MAF: variants seen among roughly 807,000 people sequenced by gnomAD.
MAF encodes MAF bZIP transcription factor.
A neutral mutation model predicts 22.0 loss-of-function variants in MAF; 10 were observed. The observed-to-expected ratio is 0.45, with a 90% CI of 0.28 to 0.77. The LOEUF is 0.77. Ranked by LOEUF, MAF falls within the 30% of genes least tolerant of loss-of-function variation. The pLI, the probability that MAF is intolerant of heterozygous loss-of-function variation, is 0.12. For synonymous variants in MAF, 337 were observed against 255.8 expected, an observed-to-expected ratio of 1.32 and a Z score of -3.03; for missense variants, 544 against 548.4, an observed-to-expected ratio of 0.99 and a Z score of 0.08.
the MAF span, among the ~76,000 whole-genome samples, chr16:79,405,805 G>A: frequency 4.7e-4 from 72 of 152,326 alleles, no homozygotes; most frequent in African/African-American, 1.7e-3. Flanking sequence ...GGTAGGAGGT[G>A]CTCGCCTCAT....
chr16:79,500,211 C>A, the MAF span, among the ~76,000 whole-genome samples: 1 of 152,182 alleles, frequency 6.6e-6, no homozygotes, highest in African/African-American at 2.4e-5. Context: ...TTTGTTACAA[C>A]AGCCACCAGA....
At chr16:79,381,826 C>T in the MAF span, among the ~76,000 whole-genome samples, 2 of 152,300 alleles carry the variant, frequency 1.3e-5, no homozygotes, top group East Asian at 3.9e-4. Flanking sequence ...TGTTACTCCA[C>T]AGAGTGGATA....
the MAF span, among the ~76,000 whole-genome samples, chr16:79,301,802 T>C: frequency 6.6e-6 from 1 of 152,218 alleles, no homozygotes; most frequent in Non-Finnish European, 1.5e-5. Flanking sequence ...TGCTATAGGC[T>C]TTACACACTT....
the MAF span, among the ~76,000 whole-genome samples, chr16:79,250,727 C>T: frequency 6.6e-6 from 1 of 152,158 alleles, no homozygotes; most frequent in Non-Finnish European, 1.5e-5. Context: ...ATTGCATCCA[C>T]CAAATAATAA....
chr16:79,535,435 G>C, the MAF span, among the ~76,000 whole-genome samples: 2 of 150,938 alleles, frequency 1.3e-5, no homozygotes, highest in African/African-American at 4.9e-5. Context: ...GCAAATTACA[G>C]TACCGTGCTG....
At chr16:79,475,394 G>C in the MAF span, among the ~76,000 whole-genome samples, 1 of 151,242 alleles carries the variant, frequency 6.6e-6, no homozygotes, top group African/African-American at 2.4e-5. Flanking sequence ...ATGCAAGAAA[G>C]AAGTAGATTT....
chr16:79,326,570 G>A, the MAF span, among the ~76,000 whole-genome samples: 1 of 152,142 alleles, frequency 6.6e-6, no homozygotes, highest in Non-Finnish European at 1.5e-5. Context: ...AGTAAACTAG[G>A]GCAGGGCTTG....
chr16:79,377,920 G>T, the MAF span, among the ~76,000 whole-genome samples: 1 of 152,068 alleles, frequency 6.6e-6, no homozygotes, highest in African/African-American at 2.4e-5. Flanking sequence ...ATGCTGTTTT[G>T]GTTACTGTAA....
the MAF span, among the ~76,000 whole-genome samples, chr16:79,276,138 T>C: frequency 1.0e-5 from 1 of 97,274 alleles, no homozygotes; most frequent in Non-Finnish European, 2.2e-5. Flanking sequence ...AGACTCCATC[T>C]CAAAGAAAAA....
downstream of MAF, among the ~76,000 whole-genome samples, chr16:79,589,963 C>T (rs1017468210): frequency 6.6e-6 from 1 of 152,154 alleles, no homozygotes; most frequent in Non-Finnish European, 1.5e-5. Context: ...ACTGCAGGCC[C>T]GGCCCAGGAC....
chr16:79,439,159 C>T, the MAF span, among the ~76,000 whole-genome samples: 4 of 151,944 alleles, frequency 2.6e-5, no homozygotes, highest in Non-Finnish European at 2.9e-5. Context: ...CGTTCATTTA[C>T]GTACCAAGAA....
At chr16:79,324,580 G>T in the MAF span, among the ~76,000 whole-genome samples, 1 of 152,048 alleles carries the variant, frequency 6.6e-6, no homozygotes, top group Non-Finnish European at 1.5e-5. Context: ...AATAAGAATC[G>T]GAGGTCCAGG....
chr16:79,294,710 T>G, the MAF span, among the ~76,000 whole-genome samples: 1 of 152,308 alleles, frequency 6.6e-6, no homozygotes, highest in Admixed American at 6.5e-5. Context: ...TGCTAGATAG[T>G]GGGAGAAGGA....
chr16:79,335,465 G>A, the MAF span, among the ~76,000 whole-genome samples: 10 of 152,180 alleles, frequency 6.6e-5, no homozygotes, highest in African/African-American at 2.2e-4. Context: ...TTAAGCTTCA[G>A]AAAGACCAGG....
At chr16:79,344,563 A>G in the MAF span, among the ~76,000 whole-genome samples, 1 of 152,226 alleles carries the variant, frequency 6.6e-6, no homozygotes, top group Non-Finnish European at 1.5e-5. Context: ...TCCACGTCCC[A>G]TCTCAGACAC....
chr16:79,234,824 C>T, the MAF span, among the ~76,000 whole-genome samples: 1 of 152,232 alleles, frequency 6.6e-6, no homozygotes, highest in Non-Finnish European at 1.5e-5. Flanking sequence ...ACCTGAGTCT[C>T]TTGATGAGGC....
chr16:79,241,840 A>T, the MAF span, among the ~76,000 whole-genome samples: 5 of 152,076 alleles, frequency 3.3e-5, no homozygotes, highest in African/African-American at 4.8e-5. Flanking sequence ...CTAACAGCAA[A>T]TCTCTCTGCA....
chr16:79,446,411 T>A, the MAF span, among the ~76,000 whole-genome samples: 1 of 152,180 alleles, frequency 6.6e-6, no homozygotes, highest in East Asian at 1.9e-4. Flanking sequence ...AGCCCCAGGT[T>A]ACACCTGTTG....
chr16:79,235,920 C>A, the MAF span, among the ~76,000 whole-genome samples: 2 of 151,960 alleles, frequency 1.3e-5, no homozygotes, highest in Non-Finnish European at 2.9e-5. Context: ...TCACTGCAAG[C>A]CAAGCCGCCC....
Sources: gnomAD v4.1 joint callset for allele counts (sites outside exome capture counted in the v4.1 genomes callset) on GRCh38, gnomAD v4.1.1 for gene constraint, MANE v1.5 for transcripts, NCBI Gene and HGNC (gene_info 2026-07-23, HGNC 2026-07-21) for gene names.